Variants in MYL1 observed in about 807,000 individuals in gnomAD.
MYL1 encodes the protein myosin light chain 1.
A neutral mutation model predicts 21.8 loss-of-function variants in MYL1; 16 were observed. The observed-to-expected ratio is 0.74, with a 90% CI of 0.50 to 1.12. MYL1 has a LOEUF of 1.12. Ranked by LOEUF, MYL1 falls within the 50% of genes most tolerant of loss-of-function variation. The pLI is 0.00. For synonymous variants in MYL1, 99 were observed against 85.2 expected (o/e 1.16, Z -0.89); for missense variants, 246 against 241.0 (o/e 1.02, Z -0.14).
At chr2:210,301,436 G>A (rs1256354288) in intron 2 of MYL1, among the ~76,000 whole-genome samples, 1 of 151,854 alleles carries the variant, frequency 6.6e-6, no homozygotes, top group Admixed American at 6.6e-5. Flanking sequence ...TGAAGAATGT[G>A]GAATCCTTTA....
chr2:210,307,280 G>C (rs62203007), intron 1 of MYL1, among the ~76,000 whole-genome samples: 1 of 152,072 alleles, frequency 6.6e-6, no homozygotes, highest in African/African-American at 2.4e-5. Context: ...CACTTCCCTT[G>C]CCTTATTCTT....
At chr2:210,311,912 A>G (rs1690424639) in intron 1 of MYL1, among the ~76,000 whole-genome samples, 1 of 151,994 alleles carries the variant, frequency 6.6e-6, no homozygotes. Context: ...TGAAAAGGGT[A>G]CTCATAGAAA....
chr2:210,314,628 A>G (rs1690462322), intron 1 of MYL1, among the ~76,000 whole-genome samples: 1 of 152,234 alleles, frequency 6.6e-6, no homozygotes, highest in Non-Finnish European at 1.5e-5. Flanking sequence ...TTAAGCATAT[A>G]TACTTTTCTC....
chr2:210,294,565 T>C lies in MYL1; in HGVS notation c.305-147A>G, dbSNP rs144151381. 4.1e-6 allele frequency: 3 copies of C among 727,636 alleles called. No individual in the cohort carries two copies. The African/African-American group carries it at 5.4e-5, about 13-fold the overall frequency. 45.1% of individuals were successfully genotyped at this position (727,636 alleles called of 1,614,324 possible). A position where few individuals can be genotyped will look rare whatever the true frequency, so the allele number is the denominator to read the frequency against. On this transcript the variant is annotated intron_variant, in intron 3 of 6. Transcript: ENST00000352451. ...TGGTAAATTGCTAAAATATCAAGAA[T>C]ATGGTAATAGTTAATGGCATGAGGT... is the stretch of plus-strand genomic sequence containing the variant.
chr2:210,293,668 T>C (rs1690118289), intron 5 of MYL1, 55 bp downstream of exon 5: 1 of 1,454,302 alleles, frequency 6.9e-7, no homozygotes, highest in Admixed American at 1.8e-5. Flanking sequence ...AAGGAGCCCA[T>C]CATCAATCTG....
chr2:210,297,370 T>C (rs914109614), intron 3 of MYL1, among the ~76,000 whole-genome samples: 13 of 152,136 alleles, frequency 8.5e-5, no homozygotes, highest in Non-Finnish European at 1.5e-4. Context: ...GTGGGTAAGA[T>C]GGCGTTTCAT....
chr2:210,294,227 T>G lies in MYL1; in HGVS notation c.478+18A>C, dbSNP rs752709381. ...ATATATTCTGTCTCACTAAGTCCAC[T>G]GAAATAAATTCCCTTACCCAGGGTG... On this transcript the variant is annotated intron_variant, in intron 4 of 6. Coordinates refer to ENST00000352451, the MANE Select transcript of MYL1 (RefSeq NM_079420.3). The G allele has an allele frequency of 6.3e-7, 1 of 1,597,156 alleles. No individual in the cohort carries two copies. Among genetic ancestry groups the G allele is most frequent in the Non-Finnish European group, 8.5e-7 (1 of 1,172,452 alleles).
At chr2:210,313,958 A>T (rs2125745674) in intron 1 of MYL1, among the ~76,000 whole-genome samples, 1 of 152,250 alleles carries the variant, frequency 6.6e-6, no homozygotes, top group African/African-American at 2.4e-5. Context: ...TTTTCCATAT[A>T]AGGCAGGTTT....
At chr2:210,308,413 T>TATATAC (rs1690371078) in intron 1 of MYL1, among the ~76,000 whole-genome samples, 1 of 52,020 alleles carries the variant, frequency 1.9e-5, no homozygotes, top group Non-Finnish European at 4.7e-5. Flanking sequence ...TATATATATA[T>TATATAC]ATATATATAT....
chr2:210,302,625 G>A, intron 1 of MYL1, 110 bp from the exon 2 acceptor site: 1 of 1,489,390 alleles, frequency 6.7e-7, no homozygotes, highest in Non-Finnish European at 9.1e-7. Flanking sequence ...AGCTCCAAAA[G>A]TCAGCCTACT....
At chr2:210,293,675 T>C in intron 5 of MYL1, 48 bp downstream of exon 5, 1 of 1,510,322 alleles carries the variant, frequency 6.6e-7, no homozygotes, top group Non-Finnish European at 9.2e-7. Flanking sequence ...CCATCATCAA[T>C]CTGATCAGTT....
chr2:210,301,241 A>G (rs1690261642), intron 2 of MYL1, among the ~76,000 whole-genome samples: 1 of 152,154 alleles, frequency 6.6e-6, no homozygotes, highest in South Asian at 2.1e-4. Context: ...ACTGTTTTCA[A>G]TGAGAAAAAA....
chr2:210,307,145 C>G (rs1315868512), intron 1 of MYL1, among the ~76,000 whole-genome samples: 1 of 152,128 alleles, frequency 6.6e-6, no homozygotes, highest in Non-Finnish European at 1.5e-5. Context: ...TCACCCAGCT[C>G]TTCATCCCAC....
intron 4 of MYL1, 110 bp downstream of exon 4, chr2:210,294,135 C>T: frequency 2.5e-6 from 3 of 1,181,600 alleles, no homozygotes; most frequent in African/African-American, 1.6e-5. Flanking sequence ...TTTTTTTTCC[C>T]ATTTTCCCTT....
At chr2:210,292,692 G>A (rs570168483) in intron 5 of MYL1, among the ~76,000 whole-genome samples, 23 of 152,114 alleles carry the variant, frequency 1.5e-4, no homozygotes, top group African/African-American at 5.3e-4. Context: ...TAGAAAAAAC[G>A]TAACCACTCC....
intron 1 of MYL1, chr2:210,303,525 T>G (rs765440098): frequency 3.1e-6 from 5 of 1,608,120 alleles, no homozygotes; most frequent in Non-Finnish European, 4.2e-6. Context: ...GACAAATTAT[T>G]GTCTCATAGG....
intron 1 of MYL1, among the ~76,000 whole-genome samples, chr2:210,309,614 CAGA>C (rs1690388788): frequency 6.6e-6 from 1 of 151,954 alleles, no homozygotes; most frequent in African/African-American, 2.4e-5. Context: ...AAACAAATCA[CAGA>C]AGATCTTGTT....
Position 210,291,085 on chromosome 2 carries a change from A to T in MYL1, c.557-11T>A. ...TGTGCTTGACAAAAGCTGTAGGAGCAAAATAGACAAAATAGACAATTTAGA... is the reference window on the plus strand; with the variant it reads ...TGTGCTTGACAAAAGCTGTAGGAGCTAAATAGACAAAATAGACAATTTAGA... On this transcript the variant is annotated splice_polypyrimidine_tract_variant and intron_variant, in intron 5 of 6. Transcript: ENST00000352451. 1 of 1,599,354 alleles carries T rather than the reference A, an allele frequency of 6.3e-7. No individual in the cohort carries two copies. The highest frequency in any genetic ancestry group is 8.6e-7 in the Non-Finnish European group (1 of 1,168,202).
At position 210,315,109 on chromosome 2, in the gene MYL1, C is replaced by T; in HGVS notation, c.-67G>A. On this transcript the variant is annotated 5_prime_UTR_variant, in exon 1 of 7. Coordinates refer to ENST00000352451, the MANE Select transcript of MYL1 (RefSeq NM_079420.3). ...TCCAAAAGAACCTGTCAAAATGATT[C>T]TTGGAAGAGGAGTGGTGGTTGGGTT... 5 of 1,570,224 alleles carry T rather than the reference C, an allele frequency of 3.2e-6. No individual in the cohort carries two copies. Among genetic ancestry groups the T allele is most frequent in the South Asian group, 2.4e-5 (2 of 84,260 alleles).
Sources: allele counts gnomAD v4.1 joint callset (sites outside exome capture counted in the v4.1 genomes callset), GRCh38; gene constraint gnomAD v4.1.1; transcripts MANE v1.5; gene names NCBI Gene and HGNC (gene_info 2026-07-23, HGNC 2026-07-21).